Variants in RASGRP1 observed in about 807,000 individuals in gnomAD.
The protein encoded by RASGRP1 is RAS guanyl-releasing protein 1.
Under a neutral mutation model 95.1 loss-of-function variants are expected in RASGRP1, and 37 were observed. That is an observed-to-expected ratio of 0.39 (90% CI 0.30 to 0.51). The LOEUF (loss-of-function observed/expected upper bound fraction) is 0.51, where lower values mean the gene tolerates loss of function less well. RASGRP1 is among the 20% of genes least tolerant of loss of function. RASGRP1 has a pLI of 0.80. For synonymous variants in RASGRP1, 325 were observed against 353.4 expected, an observed-to-expected ratio of 0.92 and a Z score of 0.90; for missense variants, 711 against 965.4, an observed-to-expected ratio of 0.74 and a Z score of 3.49.
At chr15:38,524,562 G>T (rs1337471803) in intron 3 of RASGRP1, 1 of 152,272 alleles carries the variant, frequency 6.6e-6, no homozygotes, top group Non-Finnish European at 1.5e-5. Context: ...ATGAGAAAAA[G>T]CCATTGGGCT....
chr15:38,542,035 C>T (rs1892884824), intron 2 of RASGRP1, among the ~76,000 whole-genome samples: 1 of 152,080 alleles, frequency 6.6e-6, no homozygotes, highest in South Asian at 2.1e-4. Context: ...AAAACTAAGG[C>T]TGGGCCTGGG....
In RASGRP1 at chr15:38,564,746, C is replaced by G. The variant is rs1321602350; in HGVS notation, c.-118G>C. 2 of 891,418 alleles carry G rather than the reference C, an allele frequency of 2.2e-6. No homozygotes were observed. Among genetic ancestry groups the G allele is most frequent in the Non-Finnish European group, 2.8e-6 (2 of 708,082 alleles). 55.2% of individuals were successfully genotyped at this position (891,418 alleles called of 1,614,324 possible). A position where few individuals can be genotyped will look rare whatever the true frequency, so the allele number is the denominator to read the frequency against. On this transcript the variant is annotated 5_prime_UTR_variant, in exon 1 of 17. Coordinates refer to ENST00000310803, the MANE Select transcript of RASGRP1 (RefSeq NM_005739.4). ...TCCCCCCCGGGCCTCGTAGCCCCGG[C>G]GCCCGCCAGCCCTCGAGCCCGGCGA...
rs1595889186 is a variant in RASGRP1 at position 38,562,316 on chromosome 15, C to T, written c.35+2278G>A. Among the ~76,000 whole-genome samples, 3 of 152,216 alleles carry T rather than the reference C, an allele frequency of 2.0e-5. No individual in the cohort carries two copies. In the South Asian group the frequency reaches 6.2e-4, roughly 32 times the overall value. Reference sequence around the variant, plus strand: ...CCTCAGGTCCCTAGAGCTGGACAGACTCTTTATGGTCATTTTCCAAAGCCC... The same window carrying T: ...CCTCAGGTCCCTAGAGCTGGACAGATTCTTTATGGTCATTTTCCAAAGCCC... On this transcript the variant is annotated intron_variant, in intron 1 of 16. Transcript: ENST00000310803.
At chr15:38,533,994 C>T (rs907072925) in intron 2 of RASGRP1, among the ~76,000 whole-genome samples, 1 of 152,206 alleles carries the variant, frequency 6.6e-6, no homozygotes, top group African/African-American at 2.4e-5. Context: ...CCAGCATGCA[C>T]CCACAGCAGC....
chr15:38,526,442 G>C, intron 2 of RASGRP1, 38 bp from the exon 3 acceptor site: 1 of 1,528,752 alleles, frequency 6.5e-7, no homozygotes, highest in South Asian at 1.1e-5. Context: ...TTAGGCCCTG[G>C]AGGGAAACTA....
chr15:38,564,560 G>C (rs1479371873), intron 1 of RASGRP1, 34 bp downstream of exon 1: 1 of 1,360,730 alleles, frequency 7.3e-7, no homozygotes, highest in Non-Finnish European at 9.6e-7. Context: ...AAAGGACACA[G>C]GCGCTCCCGA....
rs1212383169 is a variant in RASGRP1, at chr15:38,508,310, C to A, written c.967-309G>T. On this transcript the variant is annotated intron_variant, in intron 8 of 16. Transcript: ENST00000310803. Reference sequence around the variant, plus strand: ...TCTTTTCAAAAACAAGGACCTGATACAAAAATTAAAAAGGTACAAGAATAT... The same window carrying A: ...TCTTTTCAAAAACAAGGACCTGATAAAAAAATTAAAAAGGTACAAGAATAT... Among the ~76,000 whole-genome samples, 7 of 152,206 alleles carry A rather than the reference C, an allele frequency of 4.6e-5. No homozygotes were observed. In the East Asian group the frequency reaches 1.2e-3, roughly 25 times the overall value.
chr15:38,542,167 G>C lies in RASGRP1; in HGVS notation c.221-15763C>G, dbSNP rs146264912. Among the ~76,000 whole-genome samples the C allele has an allele frequency of 4.6e-3, 706 of 152,196 alleles. 2 individuals carry two copies. Among genetic ancestry groups the C allele is most frequent in the Non-Finnish European group, 7.1e-3 (482 of 67,996 alleles). ...TGATACTGTCACTGCAATCCAGCTT[G>C]GGTGACACAGAGGCAAGGCCCTGTC... On this transcript the variant is annotated intron_variant, in intron 2 of 16. Coordinates refer to ENST00000310803, the MANE Select transcript of RASGRP1 (RefSeq NM_005739.4).
intron 15 of RASGRP1, among the ~76,000 whole-genome samples, chr15:38,497,059 T>C (rs983303643): frequency 1.3e-5 from 2 of 152,212 alleles, no homozygotes; most frequent in African/African-American, 4.8e-5. Flanking sequence ...TCATTTCTTA[T>C]TTCCCTTTTT....
At chr15:38,537,714 AT>A (rs1295261283) in intron 2 of RASGRP1, among the ~76,000 whole-genome samples, 2 of 152,108 alleles carry the variant, frequency 1.3e-5, no homozygotes, top group African/African-American at 4.8e-5. Flanking sequence ...CCAACATTAC[AT>A]TTCAACATGA....
In RASGRP1 at chr15:38,502,420, G is replaced by C; in HGVS notation, c.1430C>G (p.Ser477Cys). The change falls in exon 12 of 17, where the codon TCT becomes TGT. Residue 477 changes from serine to cysteine, a missense_variant and splice_region_variant. By Grantham distance (112) the Ser-to-Cys change is moderately radical. This residue lies in a region of RASGRP1 where 491 missense variants were observed against 676.6 expected (regional missense o/e 0.73). Coordinates refer to ENST00000310803, the MANE Select transcript of RASGRP1 (RefSeq NM_005739.4). ...ISKHVQRMVD[S>C]VFKNYDHDQD... ...GTCGTGATCATAGTTCTTGAAGACA[G>C]ACTGTGAAAAAGGAGTTTTTTTGGT... The C allele has an allele frequency of 6.3e-7, 1 of 1,576,236 alleles. No homozygotes were observed. Among genetic ancestry groups the C allele is most frequent in the Non-Finnish European group, 8.7e-7 (1 of 1,147,210 alleles).
chr15:38,494,699 G>C lies in RASGRP1; in HGVS notation c.1942C>G (p.Arg648Gly), dbSNP rs759232410. 6 of 1,527,110 alleles carry C rather than the reference G, an allele frequency of 3.9e-6. No individual in the cohort carries two copies. The highest frequency in any genetic ancestry group is 5.3e-6 in the Non-Finnish European group (6 of 1,141,938). The allele number at this position is 1,527,110 out of a possible 1,614,324, so 94.6% of individuals were successfully genotyped here. The change falls in exon 16 of 17, where the codon CGG becomes GGG. Residue 648 changes from arginine to glycine, a missense_variant. By Grantham distance (125) the Arg-to-Gly change is moderately radical. Around this residue, in one of 3 missense-constraint regions of RASGRP1, gnomAD observed 212 missense variants for 247.8 expected, o/e 0.86. Coordinates refer to ENST00000310803, the MANE Select transcript of RASGRP1 (RefSeq NM_005739.4). ...AVEHGEESKD[R>G]TIMLMGVSSQ... ...GACACTCCCATCAGCATGATGGTCC[G>C]ATCCTTACTCTCCTCACCATGTTCC... is the stretch of plus-strand genomic sequence containing the variant.
intron 2 of RASGRP1, among the ~76,000 whole-genome samples, chr15:38,548,713 T>C (rs965548413): frequency 2.0e-5 from 3 of 152,246 alleles, no homozygotes; most frequent in African/African-American, 7.2e-5. Flanking sequence ...TGAGTGTGTA[T>C]GTGTACACAC....
intron 3 of RASGRP1, 23 bp downstream of exon 3, chr15:38,526,276 C>CCAGT (rs1404308975): frequency 1.3e-6 from 2 of 1,578,950 alleles, no homozygotes; most frequent in South Asian, 2.2e-5. Flanking sequence ...TTTGGGATTG[C>CCAGT]CAGTCACTAT....
chr15:38,520,979 T>C (rs1055980362), intron 3 of RASGRP1, among the ~76,000 whole-genome samples: 1 of 152,144 alleles, frequency 6.6e-6, no homozygotes, highest in African/African-American at 2.4e-5. Flanking sequence ...ATCTGCCCTT[T>C]AGATCAGAGC....
intron 8 of RASGRP1, among the ~76,000 whole-genome samples, chr15:38,510,367 A>G (rs528513473): frequency 5.9e-5 from 9 of 152,382 alleles, no homozygotes; most frequent in African/African-American, 2.2e-4. Flanking sequence ...AGGTGACTAA[A>G]GATGATGCCC....
At chr15:38,501,794 T>C (rs1302583716) in intron 12 of RASGRP1, among the ~76,000 whole-genome samples, 1 of 152,176 alleles carries the variant, frequency 6.6e-6, no homozygotes, top group Non-Finnish European at 1.5e-5. Flanking sequence ...GACTAAACTT[T>C]TTCTTATTTA....
rs1309799686 is a variant in RASGRP1, at chr15:38,503,215, T to C, written c.1428+57A>G. The C allele has an allele frequency of 2.1e-6, 3 of 1,400,240 alleles. No homozygotes were observed. The Admixed American group carries it at 5.8e-5, about 27-fold the overall frequency. The allele number at this position is 1,400,240 out of a possible 1,614,324, so 86.7% of individuals were successfully genotyped here. A position where few individuals can be genotyped will look rare whatever the true frequency, so the allele number is the denominator to read the frequency against. On this transcript the variant is annotated intron_variant, in intron 11 of 16. Transcript: ENST00000310803. ...TGCTTTCCTCTCCCTTTACCCCACA[T>C]ACAAAACTGAGCCAGGCAATGCCTA...
chr15:38,489,482 C>T lies in RASGRP1; in HGVS notation c.*1072G>A, dbSNP rs1890484339. Reference sequence around the variant, plus strand: ...AAATGACTAAAACTTGTTTAATTCACTTCCACATTTTATGGAGGAAACAAA... The same window carrying T: ...AAATGACTAAAACTTGTTTAATTCATTTCCACATTTTATGGAGGAAACAAA... On this transcript the variant is annotated 3_prime_UTR_variant, in exon 17 of 17. Coordinates refer to ENST00000310803, the MANE Select transcript of RASGRP1 (RefSeq NM_005739.4). 6.6e-6 allele frequency: 1 copy of T among 152,462 alleles called. No individual in the cohort carries two copies. The highest frequency in any genetic ancestry group is 1.5e-5 in the Non-Finnish European group (1 of 67,932). The allele number at this position is 152,462 out of a possible 1,614,324, so 9.4% of individuals were successfully genotyped here.
Sources: gnomAD v4.1 joint callset for allele counts (sites outside exome capture counted in the v4.1 genomes callset) on GRCh38, gnomAD v4.1.1 for gene constraint, gnomAD v4.1.1 regional missense constraint, MANE v1.5 for transcripts, NCBI Gene and HGNC (gene_info 2026-07-23, HGNC 2026-07-21) for gene names.